Variants in GSG1L observed in about 807,000 individuals in gnomAD.
The protein encoded by GSG1L is germ cell-specific gene 1-like protein.
GSG1L carries 24 observed loss-of-function variants against 42.1 expected under a neutral mutation model. The ratio of observed to expected loss-of-function variants is 0.57; its 90% CI spans 0.41 to 0.80. The LOEUF is 0.80. GSG1L is among the 30% of genes least tolerant of loss of function. GSG1L has a pLI of 0.00. For missense variants in GSG1L, 445 were observed against 472.2 expected (o/e 0.94, Z 0.53); for synonymous variants, 215 against 203.5 (o/e 1.06, Z -0.48).
intron 5 of GSG1L, among the ~76,000 whole-genome samples, chr16:27,808,150 T>C (rs2082990188): frequency 6.6e-6 from 1 of 151,044 alleles, no homozygotes; most frequent in African/African-American, 2.4e-5. Context: ...AGTAGCACAA[T>C]CGGAGCTTGC....
intron 2 of GSG1L, among the ~76,000 whole-genome samples, chr16:27,919,103 A>G (rs1160762081): frequency 6.6e-6 from 1 of 152,206 alleles, no homozygotes; most frequent in Non-Finnish European, 1.5e-5. Context: ...GCCACAGTAG[A>G]AACAGGCCCA....
intron 1 of GSG1L, among the ~76,000 whole-genome samples, chr16:28,023,555 C>A (rs1170115752): frequency 2.0e-5 from 3 of 152,174 alleles, no homozygotes; most frequent in African/African-American, 7.2e-5. Context: ...CGGGCCAGTT[C>A]CTGTCCCACC....
At chr16:27,944,596 TG>T (rs2084841695) in intron 2 of GSG1L, among the ~76,000 whole-genome samples, 1 of 146,502 alleles carries the variant, frequency 6.8e-6, no homozygotes, top group South Asian at 2.2e-4. Flanking sequence ...CACTCCAGCC[TG>T]GGTGACAGAG....
At chr16:27,958,764 C>T (rs1486744270) in intron 2 of GSG1L, among the ~76,000 whole-genome samples, 1 of 151,994 alleles carries the variant, frequency 6.6e-6, no homozygotes, top group Non-Finnish European at 1.5e-5. Flanking sequence ...TAACCTCCAC[C>T]TCCCGGTTCA....
chr16:28,056,830 C>T (rs917397867), intron 1 of GSG1L, among the ~76,000 whole-genome samples: 35 of 151,964 alleles, frequency 2.3e-4, no homozygotes, highest in Admixed American at 2.0e-4. Context: ...CAGTGTGATA[C>T]GCAGTGGGTA....
At chr16:28,010,757 C>T (rs1032821369) in intron 1 of GSG1L, among the ~76,000 whole-genome samples, 1 of 152,218 alleles carries the variant, frequency 6.6e-6, no homozygotes, top group Non-Finnish European at 1.5e-5. Context: ...AACATCCCTC[C>T]ACCGGAAATC....
intron 1 of GSG1L, among the ~76,000 whole-genome samples, chr16:28,031,583 C>A (rs115224414): frequency 6.6e-6 from 1 of 152,144 alleles, no homozygotes; most frequent in Non-Finnish European, 1.5e-5. Flanking sequence ...GAGCTTGAGG[C>A]TCCCTGAGGT....
intron 2 of GSG1L, among the ~76,000 whole-genome samples, chr16:27,955,316 A>G (rs2084991492): frequency 6.6e-6 from 1 of 152,148 alleles, no homozygotes; most frequent in Admixed American, 6.5e-5. Context: ...TAAAAGTATG[A>G]CTGTAGAAAT....
In GSG1L at chr16:27,794,432, G is replaced by A. The variant is rs906175643; in HGVS notation, c.899-2965C>T. Among the ~76,000 whole-genome samples the A allele has an allele frequency of 7.2e-5, 11 of 151,774 alleles. No individual in the cohort carries two copies. In the East Asian group the frequency reaches 1.2e-3, roughly 16 times the overall value. On this transcript the variant is annotated intron_variant, in intron 6 of 6. Transcript: ENST00000447459. ...TGCCAGCTCCGCTTCCCGGGTTCAC[G>A]CCATTCTCCTGCCTCAGCCTCCTAA...
At chr16:27,955,298 CTTAAAA>C (rs1194448637) in intron 2 of GSG1L, among the ~76,000 whole-genome samples, 2 of 151,686 alleles carry the variant, frequency 1.3e-5, no homozygotes, top group Non-Finnish European at 2.9e-5. Context: ...AGAAAAAGCT[CTTAAAA>C]TTAAAAGTAT....
intron 2 of GSG1L, among the ~76,000 whole-genome samples, chr16:27,946,569 GAAAGAA>G (rs2084862965): frequency 2.3e-4 from 2 of 8,592 alleles, no homozygotes; most frequent in Non-Finnish European, 6.1e-4. Flanking sequence ...AAGAAAGAAA[GAAAGAA>G]AGAAAGAGAG....
intron 2 of GSG1L, among the ~76,000 whole-genome samples, chr16:27,954,770 C>T (rs1322502383): frequency 1.3e-5 from 2 of 152,320 alleles, no homozygotes; most frequent in African/African-American, 4.8e-5. Flanking sequence ...CCTCCCATTT[C>T]AGCCTTCTGA....
intron 2 of GSG1L, among the ~76,000 whole-genome samples, chr16:27,947,415 AG>A (rs2084888544): frequency 6.6e-6 from 1 of 151,348 alleles, no homozygotes; most frequent in Admixed American, 6.6e-5. Context: ...AAAGAAAGAA[AG>A]AAAGAAAGAA....
chr16:27,934,471 G>A (rs1229300653), intron 2 of GSG1L, among the ~76,000 whole-genome samples: 1 of 152,184 alleles, frequency 6.6e-6, no homozygotes, highest in Admixed American at 6.5e-5. Context: ...GGAGGCGGAG[G>A]TTGCAGTGAG....
At chr16:27,854,565 T>C (rs537660809) in intron 3 of GSG1L, among the ~76,000 whole-genome samples, 1 of 152,306 alleles carries the variant, frequency 6.6e-6, no homozygotes, top group East Asian at 1.9e-4. Context: ...CCTTGCGAGT[T>C]GGGCCGTGTG....
chr16:27,898,359 C>T (rs1368746598), intron 2 of GSG1L, among the ~76,000 whole-genome samples: 1 of 142,412 alleles, frequency 7.0e-6, no homozygotes, highest in Non-Finnish European at 1.5e-5. Context: ...CCCACCCACC[C>T]CCTGCGAGGT....
intron 5 of GSG1L, among the ~76,000 whole-genome samples, chr16:27,822,659 T>G (rs945264019): frequency 6.6e-6 from 1 of 152,086 alleles, no homozygotes; most frequent in African/African-American, 2.4e-5. Flanking sequence ...ACTTAAGTGA[T>G]CTGCCTGCAT....
At chr16:27,979,784 A>AGG (rs1387164889) in intron 1 of GSG1L, among the ~76,000 whole-genome samples, 11 of 139,262 alleles carry the variant, frequency 7.9e-5, no homozygotes, top group African/African-American at 1.1e-4. Flanking sequence ...GAAAGAAAGA[A>AGG]AAAGAAAGAA....
intron 1 of GSG1L, among the ~76,000 whole-genome samples, chr16:28,060,933 T>C (rs1036465097): frequency 6.6e-6 from 1 of 152,194 alleles, no homozygotes; most frequent in Non-Finnish European, 1.5e-5. Context: ...AGGGAAATAA[T>C]TGTAGCAAGT....
Sources: gnomAD v4.1 joint callset for allele counts (sites outside exome capture counted in the v4.1 genomes callset) on GRCh38, gnomAD v4.1.1 for gene constraint, MANE v1.5 for transcripts, NCBI Gene and HGNC (gene_info 2026-07-23, HGNC 2026-07-21) for gene names.